Variants in PCDH15 observed in about 807,000 individuals in gnomAD.
PCDH15 encodes protocadherin-15.
PCDH15 carries 129 observed loss-of-function variants against 178.5 expected under a neutral mutation model. The observed-to-expected ratio is 0.72, with a 90% CI of 0.63 to 0.84. The LOEUF (loss-of-function observed/expected upper bound fraction) is 0.84, where lower values mean the gene tolerates loss of function less well. Among genes scored for constraint, PCDH15 ranks in the 40% least tolerant of loss-of-function variants. PCDH15 has a pLI of 0.00. For synonymous variants in PCDH15, 800 were observed against 732.0 expected, an observed-to-expected ratio of 1.09 and a Z score of -1.50; for missense variants, 2,230 against 2,099.9, an observed-to-expected ratio of 1.06 and a Z score of -1.21.
intron 25 of PCDH15, among the ~76,000 whole-genome samples, chr10:53,922,811 G>C (rs1458271737): frequency 6.6e-6 from 1 of 152,150 alleles, no homozygotes; most frequent in Non-Finnish European, 1.5e-5. Context: ...TATAGGTCAG[G>C]TGTGGTGGCT....
intron 3 of PCDH15, among the ~76,000 whole-genome samples, chr10:54,501,616 A>T (rs2080699083): frequency 1.3e-5 from 2 of 152,236 alleles, no homozygotes; most frequent in African/African-American, 2.4e-5. Context: ...GACAGCAAAG[A>T]TCACTATTTT....
chr10:55,207,813 A>G (rs1466525129), intron 1 of PCDH15, among the ~76,000 whole-genome samples: 2 of 152,008 alleles, frequency 1.3e-5, no homozygotes, highest in East Asian at 3.9e-4. Context: ...TTAAAAATAC[A>G]AAAAAATTAG....
chr10:54,991,967 A>G (rs1839511369), intron 2 of PCDH15, among the ~76,000 whole-genome samples: 1 of 152,180 alleles, frequency 6.6e-6, no homozygotes, highest in Admixed American at 6.5e-5. Flanking sequence ...AACGGCTAAC[A>G]TATTTTATAT....
chr10:53,828,954 A>G (rs4935473), intron 30 of PCDH15, among the ~76,000 whole-genome samples: 60,486 of 151,904 alleles, frequency 0.4, 12,734 homozygotes, highest in East Asian at 0.75. Flanking sequence ...AGGAATGGAG[A>G]GAGGTAGCAA....
intron 36 of PCDH15, 125 bp downstream of exon 36, chr10:53,811,424 A>C (rs1312512946): frequency 1.9e-6 from 1 of 525,862 alleles, no homozygotes; most frequent in African/African-American, 2.0e-5. Flanking sequence ...ATTCATTTTC[A>C]AGTATTATAC....
rs145597583 is a variant in PCDH15, at chr10:54,419,633, A to G, written c.158-40691T>C. ...CTCAAGACATTCCAGTTAGTAATGC[A>G]TTTCTCTGCTCAAATACAATAGAAG... is the stretch of plus-strand genomic sequence containing the variant. On this transcript the variant is annotated intron_variant, in intron 3 of 37. Transcript: ENST00000644397. 4.8e-3 allele frequency among the ~76,000 whole-genome samples: 734 copies of G among 152,200 alleles called. 8 individuals are homozygous for G. Among genetic ancestry groups the G allele is most frequent in the African/African-American group, 0.016 (682 of 41,540 alleles).
chr10:55,078,785 C>T (rs994243903), intron 2 of PCDH15, among the ~76,000 whole-genome samples: 1 of 151,756 alleles, frequency 6.6e-6, no homozygotes, highest in African/African-American at 2.4e-5. Context: ...CTTCCCAAAC[C>T]CCCCGTGGAT....
chr10:54,323,890 T>C (rs2061765734), intron 7 of PCDH15, among the ~76,000 whole-genome samples: 1 of 152,192 alleles, frequency 6.6e-6, no homozygotes, highest in Non-Finnish European at 1.5e-5. Context: ...TTCTATTGTC[T>C]TGTAAACATT....
At chr10:54,980,776 C>G (rs886569866) in intron 2 of PCDH15, among the ~76,000 whole-genome samples, 4 of 151,422 alleles carry the variant, frequency 2.6e-5, no homozygotes, top group African/African-American at 9.7e-5. Context: ...GTGTATTTTT[C>G]TATTAGGTAA....
At chr10:54,479,380 G>C (rs1489294096) in intron 3 of PCDH15, among the ~76,000 whole-genome samples, 1 of 151,844 alleles carries the variant, frequency 6.6e-6, no homozygotes, top group African/African-American at 2.4e-5. Flanking sequence ...ACTTAAATGT[G>C]TGTGTGTAAC....
intron 18 of PCDH15, among the ~76,000 whole-genome samples, chr10:54,041,018 T>C (rs2093531284): frequency 6.6e-6 from 1 of 152,098 alleles, no homozygotes; most frequent in Admixed American, 6.6e-5. Context: ...GAAGTAGACG[T>C]ATATGCTTAA....
Position 54,329,718 on chromosome 10 carries a change from A to C in PCDH15, c.595-12T>G, listed in dbSNP as rs1939031224. 1 of 1,449,098 alleles carries C rather than the reference A, an allele frequency of 6.9e-7. No individual in the cohort carries two copies. The highest frequency in any genetic ancestry group is 1.7e-5 in the Admixed American group (1 of 59,650). 89.8% of individuals were successfully genotyped at this position (1,449,098 alleles called of 1,614,324 possible). A position where few individuals can be genotyped will look rare whatever the true frequency, so the allele number is the denominator to read the frequency against. ...GTGTCATTGGATGTCTGCAAATATTAAAGATACAGACTTCAGATTATTTGA... is the reference window on the plus strand; with the variant it reads ...GTGTCATTGGATGTCTGCAAATATTCAAGATACAGACTTCAGATTATTTGA... On this transcript the variant is annotated splice_polypyrimidine_tract_variant and intron_variant, in intron 6 of 37. Coordinates refer to ENST00000644397, the MANE Select transcript of PCDH15 (RefSeq NM_001384140.1).
At chr10:55,286,413 C>G (rs972328539) in intron 1 of PCDH15, among the ~76,000 whole-genome samples, 2 of 151,496 alleles carry the variant, frequency 1.3e-5, no homozygotes, top group Non-Finnish European at 2.9e-5. Context: ...TATTTCTTTG[C>G]AGTACATAAG....
rs77146599 is a variant in PCDH15, at chr10:54,621,075, C to T, written c.91+43097G>A. Among the ~76,000 whole-genome samples the T allele has an allele frequency of 2.5e-3, 375 of 151,948 alleles. 4 individuals carry two copies. Among genetic ancestry groups the T allele is most frequent in the East Asian group, 0.024 (126 of 5,144 alleles). On this transcript the variant is annotated intron_variant, in intron 2 of 37. Coordinates refer to ENST00000644397, the MANE Select transcript of PCDH15 (RefSeq NM_001384140.1). ...TGTGTAGGTGGAGAAAATTATTTTT[C>T]ATTTAAAATTATATACTTGTAGTTC... is the stretch of plus-strand genomic sequence containing the variant.
chr10:54,099,323 AC>A lies in PCDH15; in HGVS notation c.1918-9261del, dbSNP rs550050433. 3.7e-3 allele frequency among the ~76,000 whole-genome samples: 567 copies of A among 151,744 alleles called. 9 individuals carry two copies. Among genetic ancestry groups the A allele is most frequent in the African/African-American group, 0.013 (531 of 41,338 alleles). On this transcript the variant is annotated intron_variant, in intron 15 of 37. Coordinates refer to ENST00000644397, the MANE Select transcript of PCDH15 (RefSeq NM_001384140.1). The stretch of plus-strand genomic sequence containing the variant: ...AGACCATCCTGGCTAACATGGTGAA[AC>A]CCCATCTCTACTAAAAATACAAAAA...
At chr10:54,307,144 ATATAT>A (rs1211470509) in intron 8 of PCDH15, among the ~76,000 whole-genome samples, 3 of 98,094 alleles carry the variant, frequency 3.1e-5, no homozygotes, top group South Asian at 3.5e-4. Context: ...ATATATATAT[ATATAT>A]AAAATTGCTT....
At chr10:53,816,746 T>C (rs915299263) in intron 34 of PCDH15, among the ~76,000 whole-genome samples, 3 of 152,230 alleles carry the variant, frequency 2.0e-5, no homozygotes, top group African/African-American at 2.4e-5. Context: ...AGTTGTAATG[T>C]ATCTATCAAC....
chr10:54,759,624 G>T (rs1002341982), intron 1 of PCDH15, among the ~76,000 whole-genome samples: 1 of 152,120 alleles, frequency 6.6e-6, no homozygotes, highest in East Asian at 1.9e-4. Context: ...TTGTCTTTCG[G>T]CAGCGTATTT....
At chr10:54,158,542 G>A (rs1157597709) in intron 13 of PCDH15, among the ~76,000 whole-genome samples, 1 of 152,090 alleles carries the variant, frequency 6.6e-6, no homozygotes, top group Non-Finnish European at 1.5e-5. Flanking sequence ...AATAATCTAA[G>A]TTGCTCCTAA....
Sources: allele counts gnomAD v4.1 joint callset (sites outside exome capture counted in the v4.1 genomes callset), GRCh38; gene constraint gnomAD v4.1.1; transcripts MANE v1.5; gene names NCBI Gene and HGNC (gene_info 2026-07-23, HGNC 2026-07-21).